The following PLEK2 variants were observed in gnomAD, a reference collection of about 807,000 sequenced individuals.
PLEK2 encodes the protein pleckstrin 2, also known as pleckstrin-2.
A neutral mutation model predicts 43.8 loss-of-function variants in PLEK2; 29 were observed. The observed-to-expected ratio is 0.66, with a 90% confidence interval of 0.49 to 0.90. The LOEUF (loss-of-function observed/expected upper bound fraction) is 0.90, where lower values mean the gene tolerates loss of function less well. Among genes scored for constraint, PLEK2 ranks in the 40% least tolerant of loss-of-function variants. The pLI, the probability that PLEK2 is intolerant of heterozygous loss-of-function variation, is 0.00. For missense variants in PLEK2, 398 were observed against 448.1 expected (o/e 0.89, Z 1.01); for synonymous variants, 162 against 173.2 (o/e 0.94, Z 0.51).
At chr14:67,399,989 C>T (rs553549410) in intron 1 of PLEK2, among the ~76,000 whole-genome samples, 1 of 152,266 alleles carries the variant, frequency 6.6e-6, no homozygotes, top group Non-Finnish European at 1.5e-5. Context: ...AGTCCGTTGC[C>T]CCAACTCACT....
Position 67,387,277 on chromosome 14 carries a change from T to C in PLEK2, c.*52A>G. On this transcript the variant is annotated 3_prime_UTR_variant, in exon 9 of 9. Coordinates refer to ENST00000216446, the MANE Select transcript of PLEK2 (RefSeq NM_016445.3). Reference sequence around the variant, plus strand: ...TAACACTCCCATTCTCCAGGAACTCTTGTCTGTGTCATCTGGTAGGAGGGA... The same window carrying C: ...TAACACTCCCATTCTCCAGGAACTCCTGTCTGTGTCATCTGGTAGGAGGGA... 6.4e-7 allele frequency: 1 copy of C among 1,566,588 alleles called. No homozygotes were observed. Among genetic ancestry groups the C allele is most frequent in the Non-Finnish European group, 8.6e-7 (1 of 1,157,950 alleles).
chr14:67,406,913 A>G (rs1352146604), intron 1 of PLEK2, among the ~76,000 whole-genome samples: 1 of 152,144 alleles, frequency 6.6e-6, no homozygotes, highest in African/African-American at 2.4e-5. Context: ...CTGGGCAGAG[A>G]GTAGCTTCTC....
chr14:67,391,819 A>C (rs767436566), intron 6 of PLEK2, among the ~76,000 whole-genome samples: 6 of 152,208 alleles, frequency 3.9e-5, no homozygotes, highest in Non-Finnish European at 7.3e-5. Context: ...AGTAGTGGCC[A>C]TGGCCAGGCT....
intron 7 of PLEK2, 141 bp from the exon 8 acceptor site, chr14:67,388,443 T>A (rs922240037): frequency 7.9e-5 from 52 of 656,744 alleles, no homozygotes; most frequent in Non-Finnish European, 1.3e-4. Flanking sequence ...GGACATCACA[T>A]GGCCAAAGCT....
intron 1 of PLEK2, among the ~76,000 whole-genome samples, chr14:67,407,552 C>T (rs1341108587): frequency 6.6e-6 from 1 of 151,856 alleles, no homozygotes; most frequent in Non-Finnish European, 1.5e-5. Flanking sequence ...GCGATTCTCC[C>T]ATCTCAGCCT....
Position 67,390,726 on chromosome 14 carries a change from C to G in PLEK2, c.792G>C (p.Trp264Cys), listed in dbSNP as rs780342318. The change falls in exon 7 of 9, where the codon TGG becomes TGC. Residue 264 changes from tryptophan to cysteine, a missense_variant. Transcript: ENST00000216446. ...TCCTTAGAACAAAGCGACGCACCTT[C>G]CAGTTTTTCCTCTTGTGTCCCTGAG... ...LAKQGHKRKN[W>C]KVRRFVLRKD... 1 of 1,613,362 alleles carries G rather than the reference C, an allele frequency of 6.2e-7. No individual in the cohort carries two copies. The highest frequency in any genetic ancestry group is 1.1e-5 in the South Asian group (1 of 91,072).
intron 7 of PLEK2, among the ~76,000 whole-genome samples, chr14:67,390,009 G>A (rs2085955408): frequency 6.6e-6 from 1 of 152,048 alleles, no homozygotes; most frequent in South Asian, 2.1e-4. Context: ...GGAAGGAACT[G>A]CCCACTCTTC....
chr14:67,401,087 A>C (rs1330356512), intron 1 of PLEK2, among the ~76,000 whole-genome samples: 2 of 152,164 alleles, frequency 1.3e-5, no homozygotes, highest in African/African-American at 4.8e-5. Flanking sequence ...CCAGTGCCTG[A>C]GACTGGGAAT....
At chr14:67,395,205 G>A (rs1171576315) in intron 3 of PLEK2, among the ~76,000 whole-genome samples, 197 bp downstream of exon 3, 1 of 152,168 alleles carries the variant, frequency 6.6e-6, no homozygotes, top group Non-Finnish European at 1.5e-5. Context: ...CCATAGGAAT[G>A]GGGCAGGTAG....
At chr14:67,396,359 G>T (rs1595657354) in intron 2 of PLEK2, among the ~76,000 whole-genome samples, 2 of 151,204 alleles carry the variant, frequency 1.3e-5, no homozygotes, top group Non-Finnish European at 2.9e-5. Flanking sequence ...TGTTGGCCAG[G>T]CTGGTCTTGA....
rs771153289 is a variant in PLEK2 at position 67,397,752 on chromosome 14, C to A, written c.117G>T (p.Glu39Asp). The A allele has an allele frequency of 1.9e-6, 3 of 1,613,458 alleles. No homozygotes were observed. Among genetic ancestry groups the A allele is most frequent in the African/African-American group, 2.7e-5 (2 of 74,928 alleles). The change falls in exon 2 of 9, where the codon GAG becomes GAT. Residue 39 changes from glutamate to aspartate, a missense_variant. By Grantham distance (45) the Glu-to-Asp change is conservative. Coordinates refer to ENST00000216446, the MANE Select transcript of PLEK2 (RefSeq NM_016445.3). ...RQNTLVYYKL[E>D]GGRRVTPPKG... ...TGGGAGGGGTCACTCTCCGACCCCC[C>A]TCAAGCTTGTAGTACACCAGCGTGT...
At chr14:67,403,463 G>A (rs1368529925) in intron 1 of PLEK2, among the ~76,000 whole-genome samples, 1 of 152,204 alleles carries the variant, frequency 6.6e-6, no homozygotes, top group Non-Finnish European at 1.5e-5. Flanking sequence ...TTGTCTGACT[G>A]TATGGTCCCC....
chr14:67,411,853 A>G (rs1366294680), intron 1 of PLEK2, among the ~76,000 whole-genome samples, 165 bp downstream of exon 1: 1 of 152,012 alleles, frequency 6.6e-6, no homozygotes, highest in Non-Finnish European at 1.5e-5. Context: ...CCCCTCGGAC[A>G]TGCAGCTCTG....
intron 7 of PLEK2, 55 bp from the exon 8 acceptor site, chr14:67,388,357 T>TTGTAAGGGGAG: frequency 9.6e-7 from 1 of 1,045,334 alleles, no homozygotes; most frequent in Non-Finnish European, 1.5e-6. Flanking sequence ...AAGGGAAGAG[T>TTGTAAGGGGAG]TGCACTCCCC....
Position 67,397,831 on chromosome 14 carries a change from G to A in PLEK2, c.43-5C>T. ...CCAGTTGTGGACAATGTGGCCCTAT[G>A]GACAGACAAGAAAGCCCTGAGGTGA... is the stretch of plus-strand genomic sequence containing the variant. On this transcript the variant is annotated splice_region_variant and splice_polypyrimidine_tract_variant and intron_variant, in intron 1 of 8. Coordinates refer to ENST00000216446, the MANE Select transcript of PLEK2 (RefSeq NM_016445.3). The A allele has an allele frequency of 1.9e-6, 3 of 1,604,490 alleles. No homozygotes were observed. The highest frequency in any genetic ancestry group is 1.7e-4 in the Middle Eastern group (1 of 6,024).
chr14:67,397,434 A>G (rs944160169), intron 2 of PLEK2, among the ~76,000 whole-genome samples: 5 of 152,214 alleles, frequency 3.3e-5, no homozygotes, highest in Admixed American at 3.3e-4. Flanking sequence ...TGAGACACTC[A>G]GGGGTAATTA....
intron 1 of PLEK2, among the ~76,000 whole-genome samples, chr14:67,404,164 G>A (rs1236114538): frequency 6.6e-6 from 1 of 152,122 alleles, no homozygotes; most frequent in Non-Finnish European, 1.5e-5. Flanking sequence ...AATATATATG[G>A]TAACAACATA....
intron 2 of PLEK2, among the ~76,000 whole-genome samples, chr14:67,396,944 CTTT>C (rs72102932): frequency 1.4e-5 from 2 of 139,468 alleles, no homozygotes; most frequent in Non-Finnish European, 3.1e-5. Flanking sequence ...TATTGGGAGA[CTTT>C]TTTTTTTTTT....
Position 67,392,707 on chromosome 14 carries a change from A to C in PLEK2, c.624T>G (p.Asp208Glu). 1 of 1,614,104 alleles carries C rather than the reference A, an allele frequency of 6.2e-7. No individual in the cohort carries two copies. The highest frequency in any genetic ancestry group is 8.5e-7 in the Non-Finnish European group (1 of 1,179,962). The change falls in exon 5 of 9, where the codon GAT becomes GAG. Residue 208 changes from aspartate (D) to glutamate (E), a missense_variant. Transcript: ENST00000216446. ...AGTCATCCAGGAACTGCTCGGCCAG[A>C]TCCCCAGAGCGAATGGCTCCCATGC... ...VRSMGAIRSG[D>E]LAEQFLDDST... is the part of the protein sequence containing the mutation.
Sources: gnomAD v4.1 joint callset for allele counts (sites outside exome capture counted in the v4.1 genomes callset) on GRCh38, gnomAD v4.1.1 for gene constraint, MANE v1.5 for transcripts, NCBI Gene and HGNC (gene_info 2026-07-23, HGNC 2026-07-21) for gene names.